Variants in TMEM87A observed in about 807,000 individuals in gnomAD.
TMEM87A encodes Golgi-pH regulating cation channel.
Under a neutral mutation model 90.0 loss-of-function variants are expected in TMEM87A, and 50 were observed. That is an observed-to-expected ratio of 0.56 (90% CI 0.44 to 0.70). The LOEUF (loss-of-function observed/expected upper bound fraction) is 0.70, where lower values mean the gene tolerates loss of function less well. Among genes scored for constraint, TMEM87A ranks in the 30% least tolerant of loss-of-function variants. The probability of loss-of-function intolerance (pLI) is 0.00; values close to 1 mark genes in which losing one functional copy is unlikely to be tolerated. For missense variants in TMEM87A, 577 were observed against 660.5 expected, an observed-to-expected ratio of 0.87 and a Z score of 1.39; for synonymous variants, 226 against 226.7, an observed-to-expected ratio of 1.00 and a Z score of 0.03.
intron 6 of TMEM87A, among the ~76,000 whole-genome samples, chr15:42,255,805 T>C (rs772137389): frequency 4.0e-5 from 6 of 151,832 alleles, no homozygotes; most frequent in Non-Finnish European, 7.4e-5. Flanking sequence ...AGTCTTGCTC[T>C]GTTGCCCAGG....
intron 6 of TMEM87A, among the ~76,000 whole-genome samples, chr15:42,257,295 T>C (rs1213640863): frequency 6.6e-6 from 1 of 151,952 alleles, no homozygotes; most frequent in Non-Finnish European, 1.5e-5. Flanking sequence ...ATCCCTCTAT[T>C]GGTTCCTTGA....
At chr15:42,269,350 C>CT (rs199660918) in intron 2 of TMEM87A, among the ~76,000 whole-genome samples, 21 of 151,330 alleles carry the variant, frequency 1.4e-4, no homozygotes, top group South Asian at 2.1e-4. Flanking sequence ...TATAAGCTTC[C>CT]TTTTTTTTTC....
At chr15:42,215,637 A>C (rs2050370481) in intron 19 of TMEM87A, among the ~76,000 whole-genome samples, 1 of 152,208 alleles carries the variant, frequency 6.6e-6, no homozygotes, top group Admixed American at 6.5e-5. Flanking sequence ...CAGGTATATA[A>C]AAAAAATGCT....
At position 42,231,196 on chromosome 15, in the gene TMEM87A, C is replaced by A; in HGVS notation, c.1127G>T (p.Trp376Leu). The A allele has an allele frequency of 6.2e-7, 1 of 1,602,158 alleles. No individual in the cohort carries two copies. The highest frequency in any genetic ancestry group is 8.5e-7 in the Non-Finnish European group (1 of 1,175,344). Residue 376 changes from tryptophan to leucine, a missense_variant, in exon 12 of 20, where the codon TGG (tryptophan) becomes TTG (leucine). Coordinates refer to ENST00000389834, the MANE Select transcript of TMEM87A (RefSeq NM_015497.5). ...PLAFLDTALC[W>L]WIFISLTQTM... The stretch of plus-strand genomic sequence containing the variant: ...ACAAGCCAATGAGAAGGATATCCAC[C>A]AGCACAAGGCAGTGTCTAGGAAAGC...
chr15:42,271,752 C>T (rs2051529916), intron 2 of TMEM87A, among the ~76,000 whole-genome samples: 1 of 151,528 alleles, frequency 6.6e-6, no homozygotes, highest in Admixed American at 6.6e-5. Flanking sequence ...TGTAATTCGA[C>T]TGAGATGTGA....
chr15:42,230,394 TCA>T (rs1206092476), intron 12 of TMEM87A, among the ~76,000 whole-genome samples: 1 of 152,238 alleles, frequency 6.6e-6, no homozygotes, highest in Non-Finnish European at 1.5e-5. Flanking sequence ...TTGTTTACAT[TCA>T]CAGTTTTTCA....
At chr15:42,237,970 C>T (rs1157836706) in intron 8 of TMEM87A, among the ~76,000 whole-genome samples, 3 of 151,170 alleles carry the variant, frequency 2.0e-5, no homozygotes, top group Non-Finnish European at 4.4e-5. Context: ...TGAACTTGTC[C>T]TCAAGAGCGA....
chr15:42,273,036 T>C, intron 1 of TMEM87A: 1 of 676,356 alleles, frequency 1.5e-6, no homozygotes, highest in South Asian at 1.6e-5. Context: ...CACTCCTTTC[T>C]GTTGCTGAAG....
intron 6 of TMEM87A, among the ~76,000 whole-genome samples, chr15:42,257,329 C>T (rs1350221819): frequency 1.3e-5 from 2 of 151,974 alleles, no homozygotes; most frequent in Non-Finnish European, 2.9e-5. Flanking sequence ...AGCCCACTAC[C>T]TCCTCTCCTC....
chr15:42,211,826 C>T, intron 19 of TMEM87A, 77 bp from the exon 20 acceptor site: 1 of 1,262,614 alleles, frequency 7.9e-7, no homozygotes, highest in Non-Finnish European at 1.1e-6. Context: ...ACAGACTATC[C>T]AAGCAAACAT....
chr15:42,264,800 A>G (rs990452294), intron 3 of TMEM87A, among the ~76,000 whole-genome samples: 7 of 151,158 alleles, frequency 4.6e-5, no homozygotes, highest in African/African-American at 1.7e-4. Flanking sequence ...TTATTTCATC[A>G]CCCAGGTACT....
rs1421200996 is a variant in TMEM87A at position 42,273,204 on chromosome 15, G to A, written c.144+51C>T. 19 of 1,607,010 alleles carry A rather than the reference G, an allele frequency of 1.2e-5. No individual in the cohort carries two copies. In the East Asian group the frequency reaches 3.4e-4, roughly 28 times the overall value. ...TTCATGGACCCCTTGGGCCGCCGTA[G>A]CCCCACCCCTTGCTCCTCTAGGTTC... On this transcript the variant is annotated intron_variant, in intron 1 of 19. Transcript: ENST00000389834.
intron 2 of TMEM87A, among the ~76,000 whole-genome samples, chr15:42,270,348 C>T (rs1365857018): frequency 6.6e-6 from 1 of 151,858 alleles, no homozygotes; most frequent in Non-Finnish European, 1.5e-5. Context: ...CCAGCCTGGG[C>T]GTCACAGCAA....
At chr15:42,261,112 C>T (rs946476158) in intron 5 of TMEM87A, 84 bp downstream of exon 5, 1 of 1,544,654 alleles carries the variant, frequency 6.5e-7, no homozygotes, top group African/African-American at 1.4e-5. Context: ...GCACTCCCTC[C>T]TTAGAGATGC....
At chr15:42,236,519 A>G (rs987649721) in intron 9 of TMEM87A, 100 bp from the exon 10 acceptor site, 7 of 960,806 alleles carry the variant, frequency 7.3e-6, no homozygotes, top group African/African-American at 3.2e-5. Context: ...CAGAATAAGC[A>G]TTGATATTAG....
At chr15:42,254,030 T>A (rs1192416753) in intron 6 of TMEM87A, among the ~76,000 whole-genome samples, 3 of 151,968 alleles carry the variant, frequency 2.0e-5, no homozygotes, top group African/African-American at 7.2e-5. Context: ...TATTTTGTTC[T>A]CCATAACAAA....
At chr15:42,272,974 A>G (rs1259347923) in intron 1 of TMEM87A, 3 of 602,288 alleles carry the variant, frequency 5.0e-6, no homozygotes, top group Non-Finnish European at 9.3e-6. Context: ...TCAAGTTTAC[A>G]TCTCAAGTCA....
rs1369736564 is a variant in TMEM87A at position 42,220,108 on chromosome 15, T to C, written c.1431A>G (p.Glu477=). The C allele has an allele frequency of 6.2e-7, 1 of 1,607,604 alleles. No homozygotes were observed. Among genetic ancestry groups the C allele is most frequent in the East Asian group, 2.2e-5 (1 of 44,690 alleles). ...GCTCCTTTTGTTCATCCTCCTCCTC[T>C]TCCTCAGACAATGGTGAAAAGGCAA... ...QRFAFSPLSE[E]EEEDEQKEPM... is the part of the protein sequence containing the mutation. The change falls in exon 16 of 20, where the codon GAA becomes GAG. Residue 477 remains glutamate (E), a synonymous_variant. Transcript: ENST00000389834.
At position 42,231,259 on chromosome 15, in the gene TMEM87A, G is replaced by C. The variant is rs2140933897; in HGVS notation, c.1064C>G (p.Ala355Gly). The change falls in exon 12 of 20, where the codon GCC becomes GGC. Residue 355 changes from alanine to glycine, a missense_variant and splice_region_variant. By Grantham distance (60) the Ala-to-Gly change is moderately conservative. Coordinates refer to ENST00000389834, the MANE Select transcript of TMEM87A (RefSeq NM_015497.5). ...GGCCAAGGAAGCAAGATCAGTCTGGGCCTGCAGACAAAGAAAAAGAAGTGG... is the reference window on the plus strand; with the variant it reads ...GGCCAAGGAAGCAAGATCAGTCTGGCCCTGCAGACAAAGAAAAAGAAGTGG... ...GMEGVLRVTGAQTDLASLAFI... is the reference protein window; with the variant it reads ...GMEGVLRVTGGQTDLASLAFI... 6.4e-7 allele frequency: 1 copy of C among 1,567,776 alleles called. No homozygotes were observed. Among genetic ancestry groups the C allele is most frequent in the East Asian group, 2.5e-5 (1 of 40,630 alleles).
Sources: allele counts gnomAD v4.1 joint callset (sites outside exome capture counted in the v4.1 genomes callset), GRCh38; gene constraint gnomAD v4.1.1; transcripts MANE v1.5; gene names NCBI Gene and HGNC (gene_info 2026-07-23, HGNC 2026-07-21).